Variants in LTBP1 observed in about 807,000 individuals in gnomAD.
The protein encoded by LTBP1 is latent transforming growth factor beta binding protein 1, also known as latent-transforming growth factor beta-binding protein 1.
LTBP1 carries 129 observed loss-of-function variants against 207.6 expected under a neutral mutation model. The ratio of observed to expected loss-of-function variants is 0.62; its 90% CI spans 0.54 to 0.72. The LOEUF (loss-of-function observed/expected upper bound fraction) is 0.72, where lower values mean the gene tolerates loss of function less well. Among genes scored for constraint, LTBP1 ranks in the 30% least tolerant of loss-of-function variants. The pLI is 0.00. For synonymous variants in LTBP1, 963 were observed against 833.7 expected (o/e 1.16, Z -2.67); for missense variants, 2,281 against 2,217.2 (o/e 1.03, Z -0.58).
chr2:32,973,758 G>C (rs1681289719), intron 2 of LTBP1, among the ~76,000 whole-genome samples: 1 of 151,926 alleles, frequency 6.6e-6, no homozygotes, highest in Non-Finnish European at 1.5e-5. Context: ...ACCCTTCTCA[G>C]CCTCTGGTGA....
chr2:33,078,552 G>A (rs1022187641), intron 3 of LTBP1, among the ~76,000 whole-genome samples: 1 of 152,094 alleles, frequency 6.6e-6, no homozygotes, highest in African/African-American at 2.4e-5. Context: ...AAAAGTTTGG[G>A]GAACAGTAAA....
intron 3 of LTBP1, among the ~76,000 whole-genome samples, chr2:33,101,899 C>G (rs912185607): frequency 2.0e-5 from 3 of 152,126 alleles, no homozygotes; most frequent in Non-Finnish European, 4.4e-5. Context: ...TTTCGGTGTA[C>G]TGTGCTTTTC....
At chr2:33,344,429 C>T (rs2149709895) in intron 25 of LTBP1, among the ~76,000 whole-genome samples, 1 of 152,280 alleles carries the variant, frequency 6.6e-6, no homozygotes, top group East Asian at 1.9e-4. Flanking sequence ...CCTGTTGTTT[C>T]CAGCAACGTC....
chr2:33,035,387 A>C (rs978547115), intron 3 of LTBP1, among the ~76,000 whole-genome samples: 7 of 152,358 alleles, frequency 4.6e-5, no homozygotes, highest in Non-Finnish European at 8.8e-5. Context: ...GAGGAAAAAC[A>C]CATTTTGAGA....
At chr2:33,315,316 A>G (rs1336476941) in intron 24 of LTBP1, 47 bp downstream of exon 24, 2 of 1,604,812 alleles carry the variant, frequency 1.2e-6, no homozygotes, top group African/African-American at 1.3e-5. Flanking sequence ...TAAAAGAGAG[A>G]GGAGATTGCT....
chr2:33,258,767 G>C (rs1030662724), intron 12 of LTBP1, among the ~76,000 whole-genome samples: 1 of 152,086 alleles, frequency 6.6e-6, no homozygotes, highest in Non-Finnish European at 1.5e-5. Flanking sequence ...TACTTTGTCT[G>C]GTACCCTGAT....
At chr2:33,310,491 A>G (rs760098743) in intron 23 of LTBP1, among the ~76,000 whole-genome samples, 70 of 152,326 alleles carry the variant, frequency 4.6e-4, no homozygotes, top group Admixed American at 8.5e-4. Context: ...TCGAATTCTT[A>G]CAGCAACTTC....
intron 7 of LTBP1, among the ~76,000 whole-genome samples, chr2:33,200,125 C>T (rs1159779402): frequency 2.0e-5 from 3 of 152,178 alleles, no homozygotes; most frequent in Non-Finnish European, 4.4e-5. Flanking sequence ...GAAAAAACTA[C>T]TCAAAAGTTC....
At position 33,394,521 on chromosome 2, in the gene LTBP1, C is replaced by G. The variant is rs534399931; in HGVS notation, c.4835-2612C>G. Among the ~76,000 whole-genome samples the G allele has an allele frequency of 2.7e-3, 409 of 152,264 alleles. 4 individuals are homozygous for G. The highest frequency in any genetic ancestry group is 9.5e-3 in the African/African-American group (393 of 41,554). ...GTTTCAGCTTTCTACATATGGCTAG[C>G]CAGTTTTCCCAGCACCATAGCACCA... is the stretch of plus-strand genomic sequence containing the variant. On this transcript the variant is annotated intron_variant, in intron 32 of 33. Coordinates refer to ENST00000404816, the MANE Select transcript of LTBP1 (RefSeq NM_206943.4).
chr2:33,394,932 T>C (rs966233012), intron 32 of LTBP1, among the ~76,000 whole-genome samples: 5 of 152,238 alleles, frequency 3.3e-5, no homozygotes, highest in Non-Finnish European at 7.3e-5. Context: ...TGGTATTCTG[T>C]TCCTGCGTTA....
intron 2 of LTBP1, among the ~76,000 whole-genome samples, chr2:32,995,085 A>G (rs1476491086): frequency 6.6e-6 from 1 of 151,924 alleles, no homozygotes; most frequent in East Asian, 1.9e-4. Flanking sequence ...TTGGGAGGCT[A>G]AGGTAAGAGG....
At chr2:33,003,077 A>G (rs541197818) in intron 2 of LTBP1, among the ~76,000 whole-genome samples, 4 of 152,368 alleles carry the variant, frequency 2.6e-5, no homozygotes, top group South Asian at 4.1e-4. Context: ...CCTGAGTTCC[A>G]GACTTTGTAC....
intron 5 of LTBP1, among the ~76,000 whole-genome samples, chr2:33,166,067 G>GT (rs143905437): frequency 0.08 from 11,320 of 140,802 alleles, 1,166 homozygotes; most frequent in African/African-American, 0.24. Context: ...AGTAATGTAT[G>GT]TTTTTTTTTT....
chr2:33,317,483 A>G (rs975898405), intron 24 of LTBP1, among the ~76,000 whole-genome samples: 1 of 152,104 alleles, frequency 6.6e-6, no homozygotes, highest in South Asian at 2.1e-4. Context: ...TCCCTTTGTT[A>G]GACTCAGTCT....
chr2:33,334,931 A>AAAAGG (rs936727314), intron 24 of LTBP1, among the ~76,000 whole-genome samples: 12 of 149,578 alleles, frequency 8.0e-5, no homozygotes, highest in African/African-American at 2.8e-4. Context: ...AAAAAAAAAA[A>AAAAGG]TGCCAGGCAT....
rs189861441 is a variant in LTBP1 at position 33,318,668 on chromosome 2, C to T, written c.3730+3399C>T. Among the ~76,000 whole-genome samples, 19 of 152,262 alleles carry T rather than the reference C, an allele frequency of 1.2e-4. No homozygotes were observed. In the East Asian group the frequency reaches 2.9e-3, roughly 23 times the overall value. On this transcript the variant is annotated intron_variant, in intron 24 of 33. Coordinates refer to ENST00000404816, the MANE Select transcript of LTBP1 (RefSeq NM_206943.4). ...ATTGACTTCTGCTACACTTCCCTTTCCTCTCTCAGTTATAGTTCATCTCCT... is the reference window on the plus strand; with the variant it reads ...ATTGACTTCTGCTACACTTCCCTTTTCTCTCTCAGTTATAGTTCATCTCCT...
intron 2 of LTBP1, among the ~76,000 whole-genome samples, chr2:32,990,821 G>C (rs1332287199): frequency 1.3e-5 from 2 of 152,230 alleles, no homozygotes; most frequent in African/African-American, 4.8e-5. Context: ...GGAGAAAATT[G>C]ACACATCATG....
At chr2:33,103,586 C>CGTGTGTGTGTGTGTGT (rs71407500) in intron 3 of LTBP1, among the ~76,000 whole-genome samples, 47 of 118,224 alleles carry the variant, frequency 4.0e-4, no homozygotes, top group Admixed American at 5.7e-4. Context: ...TCTCCGTTTA[C>CGTGTGTGTGTGTGTGT]GTGTGTGTGT....
Position 33,324,693 on chromosome 2 carries a change from T to C in LTBP1, c.3730+9424T>C, listed in dbSNP as rs1404573612. ...GTCCTGATATTGATGAATTACTGTA[T>C]TCTATCTTTTTTTTTTTTTTTTTTT... On this transcript the variant is annotated intron_variant, in intron 24 of 33. Transcript: ENST00000404816. Among the ~76,000 whole-genome samples, 3 of 149,036 alleles carry C rather than the reference T, an allele frequency of 2.0e-5. No individual in the cohort carries two copies. The Admixed American group carries it at 2.0e-4, about 10-fold the overall frequency.
Sources: allele counts gnomAD v4.1 joint callset (sites outside exome capture counted in the v4.1 genomes callset), GRCh38; gene constraint gnomAD v4.1.1; transcripts MANE v1.5; gene names NCBI Gene and HGNC (gene_info 2026-07-23, HGNC 2026-07-21).